SH3RF3: variants seen among roughly 807,000 people sequenced by gnomAD.
SH3RF3 encodes SH3 domain containing ring finger 3.
A neutral mutation model predicts 66.3 loss-of-function variants in SH3RF3; 29 were observed. The observed-to-expected ratio is 0.44, with a 90% CI of 0.33 to 0.60. The LOEUF is 0.60. Among genes scored for constraint, SH3RF3 ranks in the 20% least tolerant of loss-of-function variants. SH3RF3 has a pLI of 0.04. For missense variants in SH3RF3, 1,194 were observed against 1,190.9 expected, an observed-to-expected ratio of 1.00 and a Z score of -0.04; for synonymous variants, 583 against 532.0, an observed-to-expected ratio of 1.10 and a Z score of -1.32.
chr2:109,267,194 G>A (rs953833917), intron 1 of SH3RF3, among the ~76,000 whole-genome samples: 30 of 152,076 alleles, frequency 2.0e-4, no homozygotes, highest in Admixed American at 6.6e-4. Context: ...CTTAGGTTTC[G>A]TCATATTTTT....
chr2:109,136,068 C>A (rs1020924624), intron 1 of SH3RF3, among the ~76,000 whole-genome samples: 17 of 152,138 alleles, frequency 1.1e-4, no homozygotes, highest in Non-Finnish European at 1.5e-5. Context: ...AGAATTCTAT[C>A]CAATTGTTTC....
intron 5 of SH3RF3, among the ~76,000 whole-genome samples, chr2:109,422,609 G>T (rs1457891283): frequency 4.2e-5 from 2 of 47,452 alleles, no homozygotes; most frequent in Non-Finnish European, 6.8e-5. Flanking sequence ...CCCCTGCTGT[G>T]TTGGGCTGGG....
At chr2:109,395,169 C>T (rs1056879887) in intron 3 of SH3RF3, among the ~76,000 whole-genome samples, 12 of 152,352 alleles carry the variant, frequency 7.9e-5, no homozygotes, top group Admixed American at 5.9e-4. Flanking sequence ...CCAGTGCGTG[C>T]GCTACTCGCA....
chr2:109,358,087 T>G (rs1682986682), intron 2 of SH3RF3, among the ~76,000 whole-genome samples: 1 of 152,186 alleles, frequency 6.6e-6, no homozygotes, highest in East Asian at 1.9e-4. Context: ...ACCACTGACC[T>G]TTGTACTGTC....
chr2:109,412,407 G>T (rs1338762821), intron 4 of SH3RF3, among the ~76,000 whole-genome samples: 3 of 152,238 alleles, frequency 2.0e-5, no homozygotes, highest in Non-Finnish European at 4.4e-5. Flanking sequence ...GTGCTATGCT[G>T]GTTTGGGACA....
chr2:109,351,566 C>CT (rs1180010028), intron 2 of SH3RF3, among the ~76,000 whole-genome samples: 2 of 152,268 alleles, frequency 1.3e-5, no homozygotes, highest in Non-Finnish European at 2.9e-5. Context: ...TTGTGGTCGC[C>CT]TTGCCAGGCA....
chr2:109,217,130 C>T (rs1218859605), intron 1 of SH3RF3, among the ~76,000 whole-genome samples: 1 of 152,176 alleles, frequency 6.6e-6, no homozygotes, highest in East Asian at 1.9e-4. Context: ...AAGGCTAAAT[C>T]CTATTCCATC....
At chr2:109,462,736 G>A (rs1035844772) in intron 8 of SH3RF3, among the ~76,000 whole-genome samples, 1 of 152,176 alleles carries the variant, frequency 6.6e-6, no homozygotes, top group East Asian at 1.9e-4. Flanking sequence ...GTACGTCTAG[G>A]CTAATGATGC....
intron 3 of SH3RF3, among the ~76,000 whole-genome samples, chr2:109,385,548 G>A (rs1296826079): frequency 6.6e-6 from 1 of 152,262 alleles, no homozygotes; most frequent in African/African-American, 2.4e-5. Flanking sequence ...TAGAGAATGA[G>A]TTTCCTTGAA....
chr2:109,467,763 C>T (rs566729884), intron 8 of SH3RF3, among the ~76,000 whole-genome samples: 1 of 152,298 alleles, frequency 6.6e-6, no homozygotes, highest in South Asian at 2.1e-4. Flanking sequence ...TCCCACTGGG[C>T]ACCTTTTGCC....
intron 1 of SH3RF3, among the ~76,000 whole-genome samples, chr2:109,274,577 T>C (rs1307846324): frequency 6.6e-6 from 1 of 152,154 alleles, no homozygotes; most frequent in East Asian, 1.9e-4. Flanking sequence ...GTATCCAGAA[T>C]AGGTAAATCC....
intron 1 of SH3RF3, among the ~76,000 whole-genome samples, chr2:109,198,367 C>T (rs1037226717): frequency 2.0e-5 from 1 of 50,062 alleles, no homozygotes; most frequent in Non-Finnish European, 4.4e-5. Flanking sequence ...CTTGTGACAA[C>T]TTAAACAAAA....
intron 1 of SH3RF3, among the ~76,000 whole-genome samples, chr2:109,171,706 T>G (rs1358565929): frequency 6.6e-6 from 1 of 152,254 alleles, no homozygotes; most frequent in Non-Finnish European, 1.5e-5. Flanking sequence ...GCTAATGCCT[T>G]CCAGAGGCCC....
chr2:109,256,704 C>G (rs1286357277), intron 1 of SH3RF3, among the ~76,000 whole-genome samples: 1 of 152,092 alleles, frequency 6.6e-6, no homozygotes, highest in Non-Finnish European at 1.5e-5. Flanking sequence ...TCTCATCTTC[C>G]TTGTGTGGAG....
At position 109,138,302 on chromosome 2, in the gene SH3RF3, C is replaced by T. The variant is rs983298388; in HGVS notation, c.573+8189C>T. The stretch of plus-strand genomic sequence containing the variant: ...TTGGCCTCCCAAAGTGCTGGGATTA[C>T]AGGTGTCAGCCACTTCGCCTGGCCT... On this transcript the variant is annotated intron_variant, in intron 1 of 9. Transcript: ENST00000309415. 2.0e-5 allele frequency among the ~76,000 whole-genome samples: 3 copies of T among 152,324 alleles called. No homozygotes were observed. The South Asian group carries it at 6.2e-4, about 32-fold the overall frequency.
At chr2:109,196,637 G>A (rs1218622262) in intron 1 of SH3RF3, among the ~76,000 whole-genome samples, 2 of 152,174 alleles carry the variant, frequency 1.3e-5, no homozygotes, top group Non-Finnish European at 2.9e-5. Context: ...CTGTGGTTGC[G>A]GCTGTACCTG....
chr2:109,432,776 G>T (rs1425663064), intron 6 of SH3RF3, 105 bp downstream of exon 6: 2 of 1,427,062 alleles, frequency 1.4e-6, no homozygotes, highest in Non-Finnish European at 1.9e-6. Context: ...GGCCCAGAAG[G>T]CAGCAAGGCC....
chr2:109,229,999 TA>T (rs1679466391), intron 1 of SH3RF3, among the ~76,000 whole-genome samples: 1 of 151,758 alleles, frequency 6.6e-6, no homozygotes, highest in Non-Finnish European at 1.5e-5. Flanking sequence ...TAATTTTTTG[TA>T]TATTTAGTAG....
chr2:109,253,820 G>A (rs1680153555), intron 1 of SH3RF3, among the ~76,000 whole-genome samples: 1 of 152,156 alleles, frequency 6.6e-6, no homozygotes, highest in South Asian at 2.1e-4. Flanking sequence ...TTTATAATTT[G>A]TAATTTAAGA....
Sources: gnomAD v4.1 joint callset for allele counts (sites outside exome capture counted in the v4.1 genomes callset) on GRCh38, gnomAD v4.1.1 for gene constraint, MANE v1.5 for transcripts, NCBI Gene and HGNC (gene_info 2026-07-23, HGNC 2026-07-21) for gene names.